The following ARHGEF7 variants were observed in gnomAD, a reference collection of about 807,000 sequenced individuals.
The protein encoded by ARHGEF7 is PAK-interacting exchange factor beta.
ARHGEF7 carries 33 observed loss-of-function variants against 109.8 expected under a neutral mutation model. The ratio of observed to expected loss-of-function variants is 0.30; its 90% CI spans 0.23 to 0.40. The LOEUF is 0.40. ARHGEF7 is among the 10% of genes least tolerant of loss of function. ARHGEF7 has a pLI of 1.00. For missense variants in ARHGEF7, 938 were observed against 1,098.5 expected (o/e 0.85, Z 2.07); for synonymous variants, 458 against 424.6 (o/e 1.08, Z -0.97).
intron 1 of ARHGEF7, among the ~76,000 whole-genome samples, chr13:111,125,795 G>C (rs1016823450): frequency 6.6e-6 from 1 of 152,228 alleles, no homozygotes; most frequent in Non-Finnish European, 1.5e-5. Flanking sequence ...AGATTTTTCA[G>C]ATGTCTTTTG....
intron 12 of ARHGEF7, 132 bp from the exon 13 acceptor site, chr13:111,277,455 A>T: frequency 1.7e-6 from 1 of 602,038 alleles, no homozygotes; most frequent in Non-Finnish European, 2.9e-6. Flanking sequence ...ATAAAACTTG[A>T]TAGAAATACC....
At chr13:111,128,582 A>G (rs1390258857) in intron 1 of ARHGEF7, among the ~76,000 whole-genome samples, 6 of 152,252 alleles carry the variant, frequency 3.9e-5, no homozygotes, top group Admixed American at 2.6e-4. Flanking sequence ...AATCAGTTGT[A>G]TTTCTATATA....
At chr13:111,262,628 G>A (rs1297234350) in intron 8 of ARHGEF7, among the ~76,000 whole-genome samples, 4 of 152,150 alleles carry the variant, frequency 2.6e-5, no homozygotes, top group Non-Finnish European at 2.9e-5. Context: ...CCATTCCTCT[G>A]TCTAGTTAGC....
In ARHGEF7 at chr13:111,239,600, C is replaced by CTT. The variant is rs1445759372; in HGVS notation, c.760-4269_760-4268dup. ...ACCTCAATGAAGATTTCTGTTAAATCTTTTGACTCCTGAAGTCTCTGCTTG... is the reference window on the plus strand; with the variant it reads ...ACCTCAATGAAGATTTCTGTTAAATCTTTTTTGACTCCTGAAGTCTCTGCTTG... On this transcript the variant is annotated intron_variant, in intron 6 of 21. Coordinates refer to ENST00000646102, the MANE Select transcript of ARHGEF7 (RefSeq NM_001354046.2). The surrounding 1 kb of genome is among the most constrained non-coding windows in gnomAD (Gnocchi z 4.3). 6.6e-6 allele frequency among the ~76,000 whole-genome samples: 1 copy of CTT among 152,052 alleles called. No individual in the cohort carries two copies. Among genetic ancestry groups the CTT allele is most frequent in the Non-Finnish European group, 1.5e-5 (1 of 68,012 alleles).
At chr13:111,284,245 G>A (rs1212969034) in intron 16 of ARHGEF7, among the ~76,000 whole-genome samples, 1 of 152,164 alleles carries the variant, frequency 6.6e-6, no homozygotes, top group Non-Finnish European at 1.5e-5. Flanking sequence ...TCTGTGTCTG[G>A]TCAAGGCCAC....
At chr13:111,133,807 AT>A (rs1566607062) in intron 1 of ARHGEF7, among the ~76,000 whole-genome samples, 2,548 of 30,222 alleles carry the variant, frequency 0.084, 187 homozygotes, top group Non-Finnish European at 0.11. Flanking sequence ...ATATATATAT[AT>A]ATATATTTAT....
At chr13:111,206,960 T>TAAAAAAAAAAAA (rs35814705) in intron 3 of ARHGEF7, among the ~76,000 whole-genome samples, 30 of 53,692 alleles carry the variant, frequency 5.6e-4, no homozygotes, top group African/African-American at 1.7e-3. Flanking sequence ...AGACTCCATC[T>TAAAAAAAAAAAA]AAAAAAAAAA....
Position 111,228,207 on chromosome 13 carries a change from C to T in ARHGEF7, c.671-4998C>T, listed in dbSNP as rs894830637. Among the ~76,000 whole-genome samples the T allele has an allele frequency of 6.6e-6, 1 of 152,212 alleles. No homozygotes were observed. The highest frequency in any genetic ancestry group is 1.5e-5 in the Non-Finnish European group (1 of 68,044). Reference sequence around the variant, plus strand: ...TTTAGTGGCACAGCAGCCAGATGTGCTGCGCAGACTTCATTTGGTTCCTGA... The same window carrying T: ...TTTAGTGGCACAGCAGCCAGATGTGTTGCGCAGACTTCATTTGGTTCCTGA... On this transcript the variant is annotated intron_variant, in intron 5 of 21. Transcript: ENST00000646102. The surrounding 1 kb of genome is among the most constrained non-coding windows in gnomAD (Gnocchi z 4.6).
At position 111,239,006 on chromosome 13, in the gene ARHGEF7, A is replaced by G. The variant is rs1353087181; in HGVS notation, c.760-4866A>G. On this transcript the variant is annotated intron_variant, in intron 6 of 21. Transcript: ENST00000646102. The surrounding 1 kb of genome is among the most constrained non-coding windows in gnomAD (Gnocchi z 4.3). The stretch of plus-strand genomic sequence containing the variant: ...CAGTCATGGCGGAAGGCACCTCTTC[A>G]CGAAGCAGTGGGAGAGAGAATGAGT... Among the ~76,000 whole-genome samples, 1 of 152,192 alleles carries G rather than the reference A, an allele frequency of 6.6e-6. No homozygotes were observed. Among genetic ancestry groups the G allele is most frequent in the Non-Finnish European group, 1.5e-5 (1 of 68,026 alleles).
intron 2 of ARHGEF7, among the ~76,000 whole-genome samples, chr13:111,179,956 C>A (rs1352972173): frequency 6.6e-6 from 1 of 152,204 alleles, no homozygotes; most frequent in African/African-American, 2.4e-5. Context: ...TCCACCAGAT[C>A]TCGGTTATAA....
chr13:111,139,894 A>G (rs1024618196), intron 1 of ARHGEF7, among the ~76,000 whole-genome samples: 3 of 152,244 alleles, frequency 2.0e-5, no homozygotes, highest in Admixed American at 6.5e-5. Context: ...GCAGCCATCA[A>G]TCTCAACAGG....
intron 1 of ARHGEF7, among the ~76,000 whole-genome samples, chr13:111,142,782 C>T (rs984843498): frequency 5.9e-5 from 9 of 152,252 alleles, no homozygotes; most frequent in Non-Finnish European, 5.9e-5. Flanking sequence ...TTCACCATCT[C>T]CTCTCCAAAA....
chr13:111,216,194 T>A (rs1227688520), intron 4 of ARHGEF7, among the ~76,000 whole-genome samples: 4 of 152,212 alleles, frequency 2.6e-5, no homozygotes, highest in Non-Finnish European at 4.4e-5. Flanking sequence ...AGCTCTGCCC[T>A]CTTAGACTCA....
At chr13:111,251,439 G>A (rs1688909256) in intron 8 of ARHGEF7, among the ~76,000 whole-genome samples, 2 of 152,194 alleles carry the variant, frequency 1.3e-5, no homozygotes, top group Admixed American at 6.5e-5. Context: ...TGGATTTGAA[G>A]CTTGGCAGTA....
At chr13:111,224,883 A>G (rs572731236) in intron 5 of ARHGEF7, among the ~76,000 whole-genome samples, 2 of 152,330 alleles carry the variant, frequency 1.3e-5, no homozygotes, top group East Asian at 1.9e-4. Flanking sequence ...TGGATGGGAC[A>G]CATGAGGCTG....
chr13:111,130,977 C>T (rs549348788), intron 1 of ARHGEF7, among the ~76,000 whole-genome samples: 21 of 152,260 alleles, frequency 1.4e-4, no homozygotes, highest in African/African-American at 3.6e-4. Flanking sequence ...CGAGGGGACG[C>T]GGAGAGACAG....
intron 6 of ARHGEF7, among the ~76,000 whole-genome samples, chr13:111,237,889 A>G (rs2087050565): frequency 1.3e-5 from 2 of 152,154 alleles, no homozygotes; most frequent in Non-Finnish European, 2.9e-5. Context: ...GCTTCCCACT[A>G]ATGTAAGGGA....
At position 111,303,300 on chromosome 13, in the gene ARHGEF7, G is replaced by C; in HGVS notation, c.*187G>C. On this transcript the variant is annotated 3_prime_UTR_variant, in exon 22 of 22. Coordinates refer to ENST00000646102, the MANE Select transcript of ARHGEF7 (RefSeq NM_001354046.2). ...GATCAAACCATGACTGATGAATCCA[G>C]ACAGGAGGGATTGACTCTGAGGACC... 1 of 508,538 alleles carries C rather than the reference G, an allele frequency of 2.0e-6. No individual in the cohort carries two copies. Among genetic ancestry groups the C allele is most frequent in the Non-Finnish European group, 3.4e-6 (1 of 295,876 alleles). The allele number at this position is 508,538 out of a possible 1,614,324, so 31.5% of individuals were successfully genotyped here. A position where few individuals can be genotyped will look rare whatever the true frequency, so the allele number is the denominator to read the frequency against.
chr13:111,232,650 G>A (rs1447714302), intron 5 of ARHGEF7, among the ~76,000 whole-genome samples: 1 of 152,170 alleles, frequency 6.6e-6, no homozygotes, highest in Non-Finnish European at 1.5e-5. Flanking sequence ...TTTGCCTGGT[G>A]TGGAAGTGAA....
Sources: allele counts gnomAD v4.1 joint callset (sites outside exome capture counted in the v4.1 genomes callset), GRCh38; gene constraint gnomAD v4.1.1; non-coding constraint Gnocchi (gnomAD v3.1); transcripts MANE v1.5; gene names NCBI Gene and HGNC (gene_info 2026-07-23, HGNC 2026-07-21).